Variants in ALS2CL observed in about 807,000 individuals in gnomAD.
ALS2CL encodes ALS2 C-terminal-like protein.
ALS2CL carries 112 observed loss-of-function variants against 127.9 expected under a neutral mutation model. The ratio of observed to expected loss-of-function variants is 0.88; its 90% CI spans 0.75 to 1.02. The LOEUF (loss-of-function observed/expected upper bound fraction) is 1.02. Ranked by LOEUF, ALS2CL falls within the 50% of genes least tolerant of loss-of-function variation. ALS2CL has a pLI of 0.00. For missense variants in ALS2CL, 1,174 were observed against 1,236.7 expected, an observed-to-expected ratio of 0.95 and a Z score of 0.76; for synonymous variants, 519 against 527.6, an observed-to-expected ratio of 0.98 and a Z score of 0.22.
Position 46,674,708 on chromosome 3 carries a change from G to A in ALS2CL, c.2287C>T (p.Leu763Phe), listed in dbSNP as rs1194455660. Residue 763 changes from leucine (L) to phenylalanine (F), a missense_variant, in exon 21 of 26, where the codon CTC becomes TTC. Leu to Phe is a conservative substitution (Grantham distance 22). Transcript: ENST00000318962. The part of the protein sequence containing the change: ...DLQVHGLVLP[L>F]MLPSFYSELF... Reference sequence around the variant, plus strand: ...TCTGAGTAGAAGCTGGGCAGCATGAGGGGCAGCACCAATCCATGCACCTGG... The same window carrying A: ...TCTGAGTAGAAGCTGGGCAGCATGAAGGGCAGCACCAATCCATGCACCTGG... 2 of 1,613,494 alleles carry A rather than the reference G, an allele frequency of 1.2e-6. No individual in the cohort carries two copies. The highest frequency in any genetic ancestry group is 8.5e-7 in the Non-Finnish European group (1 of 1,179,790).
chr3:46,689,512 GC>G, intron 1 of ALS2CL, 47 bp from the exon 2 acceptor site: 1 of 1,301,488 alleles, frequency 7.7e-7, no homozygotes, highest in South Asian at 1.4e-5. Flanking sequence ...CAGGAGCAAG[GC>G]CAGTGCCCAT....
chr3:46,671,147 G>C, intron 25 of ALS2CL, 83 bp from the exon 26 acceptor site: 1 of 1,417,916 alleles, frequency 7.1e-7, no homozygotes, highest in Non-Finnish European at 1.0e-6. Context: ...CAATAGCTGT[G>C]TGCACCCACC....
At chr3:46,687,812 G>T in intron 3 of ALS2CL, 128 bp from the exon 4 acceptor site, 2 of 1,002,840 alleles carry the variant, frequency 2.0e-6, no homozygotes, top group Non-Finnish European at 2.9e-6. Context: ...CAGTGGCCTG[G>T]CTCTGGGCAC....
At chr3:46,683,446 G>T in intron 9 of ALS2CL, 120 bp from the exon 10 acceptor site, 1 of 1,047,090 alleles carries the variant, frequency 9.6e-7, no homozygotes, top group Non-Finnish European at 1.4e-6. Context: ...ACTCCATTTT[G>T]TCACCTTGGG....
At position 46,683,267 on chromosome 3, in the gene ALS2CL, G is replaced by A; in HGVS notation, c.972C>T (p.Asp324=). ...AVHQALHGKK[D]FPVLGAGLEP... The stretch of plus-strand genomic sequence containing the variant: ...CCAGGCCAGCCCCCAGCACGGGGAA[G>A]TCCTTCTTCCCATGCAGGGCCTGGT... Residue 324 remains aspartate (D), a synonymous_variant, in exon 10 of 26, where the codon GAC becomes GAT. Coordinates refer to ENST00000318962, the MANE Select transcript of ALS2CL (RefSeq NM_147129.5). 6.2e-7 allele frequency: 1 copy of A among 1,609,172 alleles called. No homozygotes were observed. The highest frequency in any genetic ancestry group is 8.5e-7 in the Non-Finnish European group (1 of 1,177,896).
intron 1 of ALS2CL, among the ~76,000 whole-genome samples, chr3:46,693,183 C>A (rs967777076): frequency 2.6e-5 from 4 of 152,252 alleles, no homozygotes; most frequent in Non-Finnish European, 4.4e-5. Context: ...CGCATATGTC[C>A]CAGCTTCCCT....
rs772692807 is a variant in ALS2CL, at chr3:46,687,680, T to C, written c.307A>G (p.Ile103Val). 5.6e-6 allele frequency: 9 copies of C among 1,612,478 alleles called. No homozygotes were observed. The Admixed American group carries it at 1.0e-4, about 18-fold the overall frequency. ...DRVLQAHIEY[I>V]ESYTSCMVVQ... ...ACCATGCAGCTTGTGTAGGACTCAA[T>C]GTACCTGCAGGCAGCACAGGGGACA... The change falls in exon 4 of 26, where the codon ATT (isoleucine) becomes GTT (valine). Residue 103 changes from isoleucine to valine, a missense_variant. Transcript: ENST00000318962.
chr3:46,689,314 C>A, intron 2 of ALS2CL, 24 bp downstream of exon 2: 1 of 1,609,876 alleles, frequency 6.2e-7, no homozygotes, highest in Non-Finnish European at 8.5e-7. Flanking sequence ...GCCCTTCCCT[C>A]CCCACTAGAA....
At chr3:46,680,295 G>A (rs1233229809) in intron 14 of ALS2CL, 135 bp downstream of exon 14, 11 of 939,908 alleles carry the variant, frequency 1.2e-5, no homozygotes, top group Non-Finnish European at 1.8e-5. Flanking sequence ...TTCCTGCCCA[G>A]GTTCTGGCTC....
chr3:46,676,563 T>C (rs1698840042), intron 18 of ALS2CL, 79 bp downstream of exon 18: 51 of 1,560,676 alleles, frequency 3.3e-5, no homozygotes, highest in Non-Finnish European at 4.4e-5. Context: ...GTCAGCACCC[T>C]GCTATGAAAA....
At chr3:46,673,797 T>C (rs1015526314) in intron 21 of ALS2CL, among the ~76,000 whole-genome samples, 3 of 152,030 alleles carry the variant, frequency 2.0e-5, no homozygotes, top group Admixed American at 6.5e-5. Flanking sequence ...GCCAGGTCTT[T>C]AGGCTGGTGG....
At position 46,674,754 on chromosome 3, in the gene ALS2CL, G is replaced by A. The variant is rs115592307; in HGVS notation, c.2256-15C>T. On this transcript the variant is annotated splice_polypyrimidine_tract_variant and intron_variant, in intron 20 of 25. Transcript: ENST00000318962. ...CCTGGAGGTCCCTGATGGGGAGACCGGAACAGGTTGGGATGAGCAAGGTGG... is the reference window on the plus strand; with the variant it reads ...CCTGGAGGTCCCTGATGGGGAGACCAGAACAGGTTGGGATGAGCAAGGTGG... 910 of 1,590,108 alleles carry A rather than the reference G, an allele frequency of 5.7e-4. 6 individuals carry two copies. The African/African-American group carries it at 0.011, about 19-fold the overall frequency.
chr3:46,689,450 C>A lies in ALS2CL; in HGVS notation c.-10G>T, dbSNP rs767102641. The A allele has an allele frequency of 9.4e-6, 15 of 1,599,502 alleles. No individual in the cohort carries two copies. The highest frequency in any genetic ancestry group is 1.3e-5 in the Non-Finnish European group (15 of 1,173,580). ...CCTCAGGGTTGCACATGGCCAGGTG[C>A]CGGACTCAGGGCCTCCTAGGTAGGG... On this transcript the variant is annotated 5_prime_UTR_variant, in exon 2 of 26. Transcript: ENST00000318962.
At position 46,681,565 on chromosome 3, in the gene ALS2CL, C is replaced by A; in HGVS notation, c.1209G>T (p.Glu403Asp). The A allele has an allele frequency of 6.2e-7, 1 of 1,614,124 alleles. No homozygotes were observed. Among genetic ancestry groups the A allele is most frequent in the Non-Finnish European group, 8.5e-7 (1 of 1,179,996 alleles). Residue 403 changes from glutamate (E) to aspartate (D), a missense_variant, in exon 12 of 26, where the codon GAG (glutamate) becomes GAT (aspartate). Transcript: ENST00000318962. This position sits in a 1 kb window ranked among gnomAD's most constrained non-coding sequence, Gnocchi z 4.9. ...GACACTTGTAACAGTCGAACTTGTC[C>A]TCAGAGGCCTGGGGCAGCAGGCGGA... ...FGIRLLPQAS[E>D]DKFDCYKCHW...
intron 9 of ALS2CL, 113 bp downstream of exon 9, chr3:46,683,669 T>G: frequency 7.5e-7 from 1 of 1,340,946 alleles, no homozygotes; most frequent in Admixed American, 1.7e-5. Flanking sequence ...CCCAGAAGCC[T>G]GCCAGACACT....
Position 46,676,679 on chromosome 3 carries a change from T to C in ALS2CL, c.1991A>G (p.His664Arg), listed in dbSNP as rs1430525925. Reference protein sequence around the residue: ...MEDILEELLQHREPKALQLYL... With the variant: ...MEDILEELLQRREPKALQLYL... ...CAGCTGCAGGGCCTTGGGCTCCCGG[T>C]GCTGCAGCAGCTCCTCCAGGATGTC... The change falls in exon 18 of 26, where the codon CAC becomes CGC. Residue 664 changes from histidine (H) to arginine (R), a missense_variant. By Grantham distance (29) the His-to-Arg change is conservative (BLOSUM62 0). Coordinates refer to ENST00000318962, the MANE Select transcript of ALS2CL (RefSeq NM_147129.5). The C allele has an allele frequency of 5.6e-6, 9 of 1,613,376 alleles. No individual in the cohort carries two copies. The highest frequency in any genetic ancestry group is 3.4e-6 in the Non-Finnish European group (4 of 1,179,842).
intron 16 of ALS2CL, chr3:46,677,596 C>T (rs374247293): frequency 2.0e-4 from 34 of 172,774 alleles, no homozygotes; most frequent in Non-Finnish European, 3.3e-4. Flanking sequence ...GCAGGGACAG[C>T]GGGCCAAGTA....
chr3:46,686,975 G>A lies in ALS2CL; in HGVS notation c.534+8C>T, dbSNP rs1699835863. 3.2e-6 allele frequency: 5 copies of A among 1,581,168 alleles called. No individual in the cohort carries two copies. The highest frequency in any genetic ancestry group is 1.7e-4 in the Middle Eastern group (1 of 5,916). On this transcript the variant is annotated splice_region_variant and intron_variant, in intron 5 of 25. Transcript: ENST00000318962. The surrounding 1 kb of genome is among the most constrained non-coding windows in gnomAD (Gnocchi z 4.3). ...GCTTCCCCACATGCTGCTGCCCCTG[G>A]TACCCACCTCCCCAATGGTGTCCCC...
rs1201197484 is a variant in ALS2CL at position 46,688,923 on chromosome 3, C to T, written c.103+415G>A. Among the ~76,000 whole-genome samples the T allele has an allele frequency of 2.0e-5, 3 of 152,186 alleles. No homozygotes were observed. The East Asian group carries it at 5.8e-4, about 29-fold the overall frequency. On this transcript the variant is annotated intron_variant, in intron 2 of 25. Coordinates refer to ENST00000318962, the MANE Select transcript of ALS2CL (RefSeq NM_147129.5). ...GTAGGTTCATGGCCTGGCCCCTCAG[C>T]GTTCCTTTAAAAAAGGAGCAGTCAG...
Sources: allele counts gnomAD v4.1 joint callset (sites outside exome capture counted in the v4.1 genomes callset), GRCh38; gene constraint gnomAD v4.1.1; non-coding constraint Gnocchi (gnomAD v3.1); transcripts MANE v1.5; gene names NCBI Gene and HGNC (gene_info 2026-07-23, HGNC 2026-07-21).